The following L3MBTL4 variants were observed in gnomAD, a reference collection of about 807,000 sequenced individuals.
L3MBTL4 encodes the protein lethal(3)malignant brain tumor-like protein 4.
Under a neutral mutation model 84.5 loss-of-function variants are expected in L3MBTL4, and 70 were observed. The ratio of observed to expected loss-of-function variants is 0.83; its 90% CI spans 0.68 to 1.01. The LOEUF (loss-of-function observed/expected upper bound fraction) is 1.01. Ranked by LOEUF, L3MBTL4 falls within the 50% of genes least tolerant of loss-of-function variation. L3MBTL4 has a pLI of 0.00. For missense variants in L3MBTL4, 715 were observed against 754.8 expected, an observed-to-expected ratio of 0.95 and a Z score of 0.62; for synonymous variants, 274 against 259.8, an observed-to-expected ratio of 1.05 and a Z score of -0.52.
In L3MBTL4 at chr18:6,046,581, A is replaced by C. The variant is rs1598550486; in HGVS notation, c.1444+34300T>G. The C allele has an allele frequency of 1.3e-5, 7 of 549,744 alleles. No homozygotes were observed. The East Asian group carries it at 2.1e-4, about 17-fold the overall frequency. The allele number at this position is 549,744 out of a possible 1,614,324, so 34.1% of individuals were successfully genotyped here. ...ACTCTCAGACCACGGTGGAATTAAA[A>C]TAGAAATCAATACCAAGATCTCCCA... On this transcript the variant is annotated intron_variant, in intron 16 of 18. Transcript: ENST00000317931.
At chr18:6,339,453 G>A (rs1003746175) in intron 1 of L3MBTL4, among the ~76,000 whole-genome samples, 6 of 152,136 alleles carry the variant, frequency 3.9e-5, no homozygotes, top group African/African-American at 1.2e-4. Flanking sequence ...GAATAATTCA[G>A]ATATGATAAA....
chr18:6,146,099 GCGGGAGATGA>G (rs2042639632), intron 13 of L3MBTL4, among the ~76,000 whole-genome samples: 1 of 152,270 alleles, frequency 6.6e-6, no homozygotes, highest in Non-Finnish European at 1.5e-5. Context: ...GGGAAGGGTG[GCGGGAGATGA>G]GACGGCGTGG....
At chr18:6,306,147 T>C (rs2146886362) in intron 3 of L3MBTL4, among the ~76,000 whole-genome samples, 1 of 152,352 alleles carries the variant, frequency 6.6e-6, no homozygotes, top group South Asian at 2.1e-4. Context: ...CTATTTGAAT[T>C]TCACCTGCTA....
intron 1 of L3MBTL4, among the ~76,000 whole-genome samples, chr18:6,411,787 CAG>C (rs2055975393): frequency 6.6e-6 from 1 of 152,200 alleles, no homozygotes; most frequent in Non-Finnish European, 1.5e-5. Flanking sequence ...GATCCAACAT[CAG>C]AGTTTCTCTC....
chr18:5,962,762 C>G (rs1320885816), intron 17 of L3MBTL4, among the ~76,000 whole-genome samples: 1 of 152,164 alleles, frequency 6.6e-6, no homozygotes, highest in African/African-American at 2.4e-5. Flanking sequence ...CATGCTGAGC[C>G]TCAGGGCTAG....
chr18:6,261,533 G>A (rs2048399251), intron 5 of L3MBTL4, among the ~76,000 whole-genome samples: 1 of 152,130 alleles, frequency 6.6e-6, no homozygotes, highest in Non-Finnish European at 1.5e-5. Flanking sequence ...GTCCCACAAC[G>A]TTGTGCCCCT....
At chr18:6,132,751 T>C (rs2059910887) in intron 14 of L3MBTL4, among the ~76,000 whole-genome samples, 1 of 152,136 alleles carries the variant, frequency 6.6e-6, no homozygotes, top group Non-Finnish European at 1.5e-5. Context: ...TTACATTATG[T>C]CAGATGAGAG....
intron 13 of L3MBTL4, among the ~76,000 whole-genome samples, chr18:6,169,519 G>A (rs1280226612): frequency 6.6e-6 from 1 of 152,102 alleles, no homozygotes; most frequent in Non-Finnish European, 1.5e-5. Flanking sequence ...ATGAGTTCAT[G>A]TCCTTTGTAG....
At chr18:6,269,905 T>C (rs138254894) in intron 4 of L3MBTL4, among the ~76,000 whole-genome samples, 41 of 152,310 alleles carry the variant, frequency 2.7e-4, no homozygotes, top group African/African-American at 9.6e-4. Flanking sequence ...AAAATGCAAA[T>C]GGCAGGGGTA....
chr18:6,334,691 A>G lies in L3MBTL4; in HGVS notation c.-90-22635T>C, dbSNP rs562716214. 2.6e-5 allele frequency among the ~76,000 whole-genome samples: 4 copies of G among 152,298 alleles called. No individual in the cohort carries two copies. The East Asian group carries it at 7.7e-4, about 29-fold the overall frequency. On this transcript the variant is annotated intron_variant, in intron 1 of 18. Transcript: ENST00000317931. ...TAGTGGAGGAAACACAGTAATTTTT[A>G]CAGGAATGTCATACATAGCAAATCT...
At chr18:6,399,335 G>A (rs943965660) in intron 1 of L3MBTL4, among the ~76,000 whole-genome samples, 1 of 152,082 alleles carries the variant, frequency 6.6e-6, no homozygotes, top group South Asian at 2.1e-4. Flanking sequence ...CTACTTGGAG[G>A]CTGAGGCAGG....
chr18:6,013,110 C>T (rs1292401575), intron 16 of L3MBTL4, among the ~76,000 whole-genome samples: 1 of 152,138 alleles, frequency 6.6e-6, no homozygotes, highest in Non-Finnish European at 1.5e-5. Flanking sequence ...TCAAACCTTC[C>T]AGTCACTCAC....
intron 10 of L3MBTL4, among the ~76,000 whole-genome samples, chr18:6,224,242 G>A (rs1053386075): frequency 5.3e-5 from 8 of 152,054 alleles, no homozygotes; most frequent in Non-Finnish European, 8.8e-5. Context: ...AATGAAAACT[G>A]ACTTAACAAA....
intron 17 of L3MBTL4, among the ~76,000 whole-genome samples, chr18:5,961,197 G>A (rs1156778593): frequency 6.6e-6 from 1 of 152,222 alleles, no homozygotes; most frequent in Non-Finnish European, 1.5e-5. Context: ...GGTTCTTGAG[G>A]CTGGAGAGCG....
intron 15 of L3MBTL4, 82 bp downstream of exon 15, chr18:6,093,273 A>C: frequency 9.5e-7 from 1 of 1,048,168 alleles, no homozygotes; most frequent in South Asian, 2.2e-5. Context: ...AAAGAAATAG[A>C]AACTATTACT....
At chr18:6,371,684 G>C (rs2054167060) in intron 1 of L3MBTL4, among the ~76,000 whole-genome samples, 1 of 152,188 alleles carries the variant, frequency 6.6e-6, no homozygotes, top group Non-Finnish European at 1.5e-5. Context: ...AATGCTTAGA[G>C]AACTTTCCTA....
chr18:6,287,401 G>T (rs1338229994), intron 4 of L3MBTL4, among the ~76,000 whole-genome samples: 1 of 152,118 alleles, frequency 6.6e-6, no homozygotes, highest in Non-Finnish European at 1.5e-5. Context: ...TTTCTTCTCT[G>T]ATGCTTTCCC....
chr18:6,293,208 A>T (rs1568447460), intron 4 of L3MBTL4, among the ~76,000 whole-genome samples: 2 of 152,298 alleles, frequency 1.3e-5, no homozygotes, highest in East Asian at 3.9e-4. Context: ...AGCTCTGTCC[A>T]CTGAGAGGGC....
At chr18:6,163,374 A>C (rs981094079) in intron 13 of L3MBTL4, among the ~76,000 whole-genome samples, 1 of 151,260 alleles carries the variant, frequency 6.6e-6, no homozygotes, top group Non-Finnish European at 1.5e-5. Flanking sequence ...CATCACAAGC[A>C]TGTCTTAAAG....
Sources: gnomAD v4.1 joint callset for allele counts (sites outside exome capture counted in the v4.1 genomes callset) on GRCh38, gnomAD v4.1.1 for gene constraint, MANE v1.5 for transcripts, NCBI Gene and HGNC (gene_info 2026-07-23, HGNC 2026-07-21) for gene names.